Variants in CGNL1 observed in about 807,000 individuals in gnomAD.
CGNL1 encodes cingulin-like protein 1.
Under a neutral mutation model 141.2 loss-of-function variants are expected in CGNL1, and 132 were observed. The ratio of observed to expected loss-of-function variants is 0.93; its 90% CI spans 0.81 to 1.08. The LOEUF is 1.08. CGNL1 is among the 50% of genes least tolerant of loss of function. The pLI is 0.00. For missense variants in CGNL1, 1,870 were observed against 1,588.6 expected (o/e 1.18, Z -3.01); for synonymous variants, 690 against 622.1 (o/e 1.11, Z -1.63).
At chr15:57,513,280 GTGTGTGTGTGTGTGTT>G (rs1343050290) in intron 8 of CGNL1, among the ~76,000 whole-genome samples, 4,175 of 116,656 alleles carry the variant, frequency 0.036, 182 homozygotes, top group African/African-American at 0.1. Context: ...GTGTGTGTGT[GTGTGTGTGTGTGTGTT>G]TGTGTGATTG....
At chr15:57,418,112 GC>G (rs1942768055) in intron 1 of CGNL1, among the ~76,000 whole-genome samples, 1 of 152,244 alleles carries the variant, frequency 6.6e-6, no homozygotes, top group South Asian at 2.1e-4. Flanking sequence ...GAGAGGAGTA[GC>G]TGGGAAGAGG....
At chr15:57,452,337 CAT>C in intron 6 of CGNL1, 48 bp downstream of exon 6, 1 of 1,550,572 alleles carries the variant, frequency 6.4e-7, no homozygotes, top group South Asian at 1.2e-5. Flanking sequence ...TTCTCTATGA[CAT>C]GTAGCTAGAA....
intron 1 of CGNL1, among the ~76,000 whole-genome samples, chr15:57,423,908 G>C (rs2062944500): frequency 6.6e-6 from 1 of 152,160 alleles, no homozygotes; most frequent in Admixed American, 6.5e-5. Flanking sequence ...GTTGCTGCGG[G>C]GCTGCAGAGC....
chr15:57,481,064 GTTTTTTTT>G (rs11298152), intron 8 of CGNL1, among the ~76,000 whole-genome samples: 3 of 116,086 alleles, frequency 2.6e-5, no homozygotes, highest in Non-Finnish European at 5.3e-5. Flanking sequence ...AAGACCTGGG[GTTTTTTTT>G]TTTTTTTTTT....
At chr15:57,480,506 T>A (rs1159950968) in intron 8 of CGNL1, among the ~76,000 whole-genome samples, 1 of 151,910 alleles carries the variant, frequency 6.6e-6, no homozygotes, top group Non-Finnish European at 1.5e-5. Context: ...GACAACAGAG[T>A]GAGACTCTGT....
intron 12 of CGNL1, among the ~76,000 whole-genome samples, chr15:57,525,812 G>A (rs1410322212): frequency 6.6e-6 from 1 of 151,946 alleles, no homozygotes; most frequent in Non-Finnish European, 1.5e-5. Flanking sequence ...GATCCCCTTT[G>A]GCTCAGGGTT....
Position 57,451,599 on chromosome 15 carries a change from A to G in CGNL1, c.1903A>G (p.Lys635Glu). The change falls in exon 5 of 19, where the codon AAG (lysine) becomes GAG (glutamate). Residue 635 changes from lysine to glutamate, a missense_variant and splice_region_variant. By Grantham distance (56) the Lys-to-Glu change is moderately conservative. Coordinates refer to ENST00000281282, the MANE Select transcript of CGNL1 (RefSeq NM_032866.5). ...ELQRQLQLEV[K>E]NQQNIKEERE... ...TCAGAGACAGCTTCAACTGGAAGTCAAGGTATCTGGTTTTTCCTTTATGTT... is the reference window on the plus strand; with the variant it reads ...TCAGAGACAGCTTCAACTGGAAGTCGAGGTATCTGGTTTTTCCTTTATGTT... The G allele has an allele frequency of 6.2e-7, 1 of 1,600,926 alleles. No homozygotes were observed. The highest frequency in any genetic ancestry group is 8.5e-7 in the Non-Finnish European group (1 of 1,170,124).
chr15:57,473,668 G>A (rs1171962503), intron 8 of CGNL1, among the ~76,000 whole-genome samples: 1 of 152,076 alleles, frequency 6.6e-6, no homozygotes, highest in African/African-American at 2.4e-5. Flanking sequence ...GAGGAAGCCA[G>A]CTGCCATGTT....
intron 4 of CGNL1, among the ~76,000 whole-genome samples, chr15:57,451,223 C>T (rs1158823538): frequency 6.6e-6 from 1 of 152,122 alleles, no homozygotes; most frequent in Non-Finnish European, 1.5e-5. Flanking sequence ...AAGTTTTAGT[C>T]ATATTGGACT....
intron 3 of CGNL1, among the ~76,000 whole-genome samples, chr15:57,440,850 C>T (rs1422176053): frequency 6.6e-6 from 1 of 152,066 alleles, no homozygotes; most frequent in Non-Finnish European, 1.5e-5. Flanking sequence ...AATAAAAACA[C>T]CTCCCCTCCC....
At chr15:57,526,333 TGACTAAGTTGGTAGAGTGATGGAG>T (rs776061864) in intron 12 of CGNL1, among the ~76,000 whole-genome samples, 52 of 152,120 alleles carry the variant, frequency 3.4e-4, no homozygotes, top group Non-Finnish European at 4.6e-4. Flanking sequence ...ATACCACCCT[TGACTAAGTTGGTAGAGTGATGGAG>T]TTGTTTAAAA....
At chr15:57,533,045 T>C (rs1292952934) in intron 14 of CGNL1, among the ~76,000 whole-genome samples, 13 of 152,252 alleles carry the variant, frequency 8.5e-5, no homozygotes, top group Admixed American at 8.5e-4. Context: ...CAGGCAGCCC[T>C]GCTCAAAGTA....
chr15:57,442,993 A>G (rs772778250), intron 4 of CGNL1, among the ~76,000 whole-genome samples: 4 of 152,226 alleles, frequency 2.6e-5, no homozygotes, highest in Non-Finnish European at 5.9e-5. Flanking sequence ...GGATGATACA[A>G]ACAGATGGCG....
chr15:57,541,009 T>G (rs971906702), intron 14 of CGNL1, among the ~76,000 whole-genome samples: 1 of 152,226 alleles, frequency 6.6e-6, no homozygotes, highest in Non-Finnish European at 1.5e-5. Flanking sequence ...CGCCTCTGGC[T>G]TCCTCAGAAG....
In CGNL1 at chr15:57,438,097, A is replaced by C. The variant is rs777158079; in HGVS notation, c.98A>C (p.Gln33Pro). Residue 33 changes from glutamine to proline, a missense_variant, in exon 2 of 19, where the codon CAG becomes CCG. Physicochemically the swap from Gln to Pro is moderately conservative, Grantham distance 76. Coordinates refer to ENST00000281282, the MANE Select transcript of CGNL1 (RefSeq NM_032866.5). ...SDDTQKSRSS[Q>P]NSKAGSYGVS... ...GATACCCAAAAATCAAGGAGTTCCC[A>C]GAACTCCAAGGCAGGCTCCTACGGT... The C allele has an allele frequency of 9.9e-6, 16 of 1,614,078 alleles. No individual in the cohort carries two copies. Among genetic ancestry groups the C allele is most frequent in the South Asian group, 2.2e-5 (2 of 91,070 alleles).
Position 57,439,142 on chromosome 15 carries a change from T to C in CGNL1, c.1143T>C (p.Asp381=). Residue 381 remains aspartate (D), a synonymous_variant, in exon 2 of 19, where the codon GAT becomes GAC. Coordinates refer to ENST00000281282, the MANE Select transcript of CGNL1 (RefSeq NM_032866.5). Reference sequence around the variant, plus strand: ...GGAAGCGAAACAGAATTAATACAGATGACAGGAAAAGATCCAGAAGCGTGG... The same window carrying C: ...GGAAGCGAAACAGAATTAATACAGACGACAGGAAAAGATCCAGAAGCGTGG... ...RSGKRNRINT[D]DRKRSRSVDS... is the part of the protein sequence containing the mutation. The C allele has an allele frequency of 6.2e-7, 1 of 1,614,152 alleles. No homozygotes were observed. The highest frequency in any genetic ancestry group is 8.5e-7 in the Non-Finnish European group (1 of 1,180,030).
At chr15:57,488,857 C>G (rs1249329759) in intron 8 of CGNL1, among the ~76,000 whole-genome samples, 2 of 152,178 alleles carry the variant, frequency 1.3e-5, no homozygotes, top group East Asian at 3.8e-4. Context: ...TCAATGTAAT[C>G]TACAAACAGT....
At chr15:57,431,847 G>T (rs142447240) in intron 1 of CGNL1, among the ~76,000 whole-genome samples, 3 of 152,054 alleles carry the variant, frequency 2.0e-5, no homozygotes, top group Non-Finnish European at 4.4e-5. Flanking sequence ...TGGCCACCCC[G>T]GATTTAGAGG....
chr15:57,451,482 C>G lies in CGNL1; in HGVS notation c.1804-18C>G, dbSNP rs183062569. ...ACCCTGAACATTTAAATTAGTATAT[C>G]TTTGCAATTAATTATAGGCTTGTAA... On this transcript the variant is annotated intron_variant, in intron 4 of 18. Coordinates refer to ENST00000281282, the MANE Select transcript of CGNL1 (RefSeq NM_032866.5). 6.5e-7 allele frequency: 1 copy of G among 1,541,078 alleles called. No homozygotes were observed. Among genetic ancestry groups the G allele is most frequent in the Non-Finnish European group, 8.9e-7 (1 of 1,120,410 alleles).
Sources: allele counts gnomAD v4.1 joint callset (sites outside exome capture counted in the v4.1 genomes callset), GRCh38; gene constraint gnomAD v4.1.1; transcripts MANE v1.5; gene names NCBI Gene and HGNC (gene_info 2026-07-23, HGNC 2026-07-21).